Variants in GPC1 observed in about 807,000 individuals in gnomAD.
GPC1 encodes the protein glypican 1.
In GPC1, 26 loss-of-function variants were observed where a neutral mutation model predicts 51.5. The observed-to-expected ratio is 0.50, with a 90% confidence interval of 0.37 to 0.70. The LOEUF (loss-of-function observed/expected upper bound fraction) is 0.70. Among genes scored for constraint, GPC1 ranks in the 30% least tolerant of loss-of-function variants. GPC1 has a pLI of 0.00. For missense variants in GPC1, 775 were observed against 800.5 expected (o/e 0.97, Z 0.38); for synonymous variants, 380 against 348.3 (o/e 1.09, Z -1.01).
At chr2:240,441,147 C>T (rs1418321931) in intron 1 of GPC1, among the ~76,000 whole-genome samples, 1 of 152,256 alleles carries the variant, frequency 6.6e-6, no homozygotes, top group Non-Finnish European at 1.5e-5. Context: ...GTACCGAGGA[C>T]GCCTCCCTAC....
intron 1 of GPC1, chr2:240,453,098 G>A: frequency 3.4e-6 from 1 of 293,246 alleles, no homozygotes; most frequent in Non-Finnish European, 6.7e-6. Flanking sequence ...CGCATCCGCA[G>A]GCGCGCCACC....
chr2:240,463,299 G>C (rs1370838410), intron 3 of GPC1, 48 bp from the exon 4 acceptor site: 2 of 1,571,526 alleles, frequency 1.3e-6, no homozygotes, highest in Non-Finnish European at 1.7e-6. Flanking sequence ...GCCGGGGCCA[G>C]GCACCCCCAG....
intron 1 of GPC1, among the ~76,000 whole-genome samples, chr2:240,454,624 G>T (rs565504721): frequency 6.6e-6 from 1 of 152,344 alleles, no homozygotes; most frequent in East Asian, 1.9e-4. Context: ...CTCCAGCACC[G>T]TGGGAGGCAA....
chr2:240,458,840 G>T, intron 1 of GPC1, 190 bp from the exon 2 acceptor site: 1 of 578,322 alleles, frequency 1.7e-6, no homozygotes, highest in Non-Finnish European at 3.1e-6. Context: ...CTACGGGACC[G>T]AAGCCAGGCC....
chr2:240,462,123 C>G, intron 2 of GPC1, 68 bp from the exon 3 acceptor site: 1 of 1,432,808 alleles, frequency 7.0e-7, no homozygotes, highest in Non-Finnish European at 9.4e-7. Flanking sequence ...GGGCTGAGTC[C>G]CCTGCTCTGG....
chr2:240,451,434 G>A, intron 1 of GPC1: 1 of 362,324 alleles, frequency 2.8e-6, no homozygotes, highest in Non-Finnish European at 5.6e-6. Flanking sequence ...GGAGAGCTGG[G>A]CAGAGCCCCA....
chr2:240,440,930 G>A (rs1202199022), intron 1 of GPC1, among the ~76,000 whole-genome samples: 1 of 152,266 alleles, frequency 6.6e-6, no homozygotes, highest in East Asian at 1.9e-4. Flanking sequence ...TTCCCAGCGT[G>A]TGCCACGAAG....
At chr2:240,439,120 C>T (rs186236164) in intron 1 of GPC1, among the ~76,000 whole-genome samples, 225 of 152,268 alleles carry the variant, frequency 1.5e-3, no homozygotes, top group African/African-American at 5.3e-3. Flanking sequence ...CTGTTTGCTC[C>T]TTTGCTGGGG....
intron 2 of GPC1, among the ~76,000 whole-genome samples, chr2:240,461,976 G>A (rs1303485954): frequency 1.3e-5 from 2 of 152,104 alleles, no homozygotes; most frequent in Admixed American, 1.3e-4. Flanking sequence ...AGGACCCCCT[G>A]CCACCTGGGC....
chr2:240,436,595 G>A (rs1420089413), intron 1 of GPC1, among the ~76,000 whole-genome samples: 1 of 152,262 alleles, frequency 6.6e-6, no homozygotes, highest in African/African-American at 2.4e-5. Context: ...CTCCGGTCCT[G>A]CCCGGGGATT....
chr2:240,453,095 G>A (rs1226569589), intron 1 of GPC1: 7 of 293,772 alleles, frequency 2.4e-5, no homozygotes, highest in Middle Eastern at 1.2e-3. Context: ...ACCCGCATCC[G>A]CAGGCGCGCC....
At chr2:240,456,734 G>A (rs973552245) in intron 1 of GPC1, 6 of 422,052 alleles carry the variant, frequency 1.4e-5, no homozygotes, top group African/African-American at 6.1e-5. Context: ...GAAAGGACCC[G>A]GAGGGGCGGT....
chr2:240,450,239 A>G, intron 1 of GPC1: 3 of 322,978 alleles, frequency 9.3e-6, no homozygotes, highest in South Asian at 7.8e-5. Flanking sequence ...GGCGGCCACC[A>G]ACTCATCAAA....
intron 2 of GPC1, among the ~76,000 whole-genome samples, chr2:240,461,261 C>T (rs754186294): frequency 1.3e-5 from 2 of 152,174 alleles, no homozygotes; most frequent in Non-Finnish European, 2.9e-5. Context: ...CAGGGGTCAG[C>T]GTGGGGGCTG....
At position 240,436,018 on chromosome 2, in the gene GPC1, G is replaced by C; in HGVS notation, c.100G>C (p.Glu34Gln). 7.2e-7 allele frequency: 1 copy of C among 1,385,924 alleles called. No homozygotes were observed. Among genetic ancestry groups the C allele is most frequent in the Non-Finnish European group, 9.4e-7 (1 of 1,067,006 alleles). The allele number at this position is 1,385,924 out of a possible 1,614,324, so 85.9% of individuals were successfully genotyped here. A position where few individuals can be genotyped will look rare whatever the true frequency, so the allele number is the denominator to read the frequency against. Residue 34 changes from glutamate (E) to glutamine (Q), a missense_variant, in exon 1 of 9, where the codon GAG (glutamate) becomes CAG (glutamine). By Grantham distance (29) the Glu-to-Gln change is conservative. Coordinates refer to ENST00000264039, the MANE Select transcript of GPC1 (RefSeq NM_002081.3). ...GGCCAGCAAGAGCCGGAGCTGCGGC[G>C]AGGTCCGCCAGATCTACGGAGCCAA... ...DPASKSRSCGEVRQIYGAKGF... is the reference protein window; with the variant it reads ...DPASKSRSCGQVRQIYGAKGF...
rs1364789145 is a variant in GPC1, at chr2:240,465,110, C to T, written c.1168C>T (p.Gln390Ter). 1 of 1,611,286 alleles carries T rather than the reference C, an allele frequency of 6.2e-7. No homozygotes were observed. The highest frequency in any genetic ancestry group is 1.1e-5 in the South Asian group (1 of 90,646). The change falls in exon 7 of 9, where the codon CAG (glutamine) becomes TAG (stop). Residue 390 changes from glutamine (Q) to a stop codon, truncating the protein, a stop_gained. Coordinates refer to ENST00000264039, the MANE Select transcript of GPC1 (RefSeq NM_002081.3). LOFTEE classifies it high-confidence loss of function. ...SEAKAQLRDVQDFWISLPGTL... is the reference protein window; with the variant it reads ...SEAKAQLRDV ...AGCCAAGGCCCAGCTCCGCGACGTC[C>T]AGGACTTCTGGATCAGCCTCCCAGG...
chr2:240,462,595 AC>A lies in GPC1; in HGVS notation c.717+16del. The stretch of plus-strand genomic sequence containing the variant: ...GAAAGTGGCTCAGGTGCGCACAGCC[AC>A]CCAGGGCTCTCAGAAACCCCTCCAG... On this transcript the variant is annotated intron_variant, in intron 3 of 8. Coordinates refer to ENST00000264039, the MANE Select transcript of GPC1 (RefSeq NM_002081.3). 2 of 1,506,830 alleles carry A rather than the reference AC, an allele frequency of 1.3e-6. No homozygotes were observed. Among genetic ancestry groups the A allele is most frequent in the Non-Finnish European group, 1.8e-6 (2 of 1,133,062 alleles). The allele number at this position is 1,506,830 out of a possible 1,614,324, so 93.3% of individuals were successfully genotyped here.
chr2:240,465,763 A>G, intron 8 of GPC1, 115 bp downstream of exon 8: 5 of 854,678 alleles, frequency 5.9e-6, no homozygotes, highest in Non-Finnish European at 9.2e-6. Context: ...CGGCATCACC[A>G]CAGTGAGTCT....
At chr2:240,451,460 C>T in intron 1 of GPC1, 2 of 341,552 alleles carry the variant, frequency 5.9e-6, no homozygotes, top group South Asian at 4.4e-5. Flanking sequence ...ACAACCCCAC[C>T]CTCCCACAGC....
Sources: gnomAD v4.1 joint callset for allele counts (sites outside exome capture counted in the v4.1 genomes callset) on GRCh38, gnomAD v4.1.1 for gene constraint, MANE v1.5 for transcripts, NCBI Gene and HGNC (gene_info 2026-07-23, HGNC 2026-07-21) for gene names.